ROBO1: variants seen among roughly 807,000 people sequenced by gnomAD.
ROBO1 encodes the protein roundabout homolog 1.
ROBO1 carries 149 observed loss-of-function variants against 195.9 expected under a neutral mutation model. That is an observed-to-expected ratio of 0.76 (90% confidence interval 0.67 to 0.87). The LOEUF (loss-of-function observed/expected upper bound fraction) is 0.87. Ranked by LOEUF, ROBO1 falls within the 40% of genes least tolerant of loss-of-function variation. The pLI is 0.00. For synonymous variants in ROBO1, 816 were observed against 733.2 expected, an observed-to-expected ratio of 1.11 and a Z score of -1.82; for missense variants, 1,933 against 2,068.3, an observed-to-expected ratio of 0.93 and a Z score of 1.27.
intron 3 of ROBO1, among the ~76,000 whole-genome samples, chr3:79,026,761 G>C (rs1349022): frequency 0.98 from 148,491 of 152,126 alleles, 72,543 homozygotes; most frequent in East Asian, 1. Context: ...CCTAAATTGG[G>C]ATCATAGTTA....
intron 2 of ROBO1, among the ~76,000 whole-genome samples, chr3:79,391,317 A>AT (rs2036940389): frequency 6.6e-6 from 1 of 152,040 alleles, no homozygotes; most frequent in Admixed American, 6.6e-5. Context: ...ACAAAACCAT[A>AT]AACGAAAACA....
chr3:78,707,228 G>T (rs1286122640), intron 8 of ROBO1, among the ~76,000 whole-genome samples: 1 of 152,104 alleles, frequency 6.6e-6, no homozygotes, highest in Non-Finnish European at 1.5e-5. Context: ...AGACACTCTA[G>T]GAAGCATCCC....
chr3:79,068,039 T>C (rs1285141039), intron 3 of ROBO1, among the ~76,000 whole-genome samples: 2 of 151,928 alleles, frequency 1.3e-5, no homozygotes, highest in Non-Finnish European at 2.9e-5. Context: ...CATGTGTGAA[T>C]GAGAAAGCAC....
chr3:78,925,099 C>T (rs184560754), intron 4 of ROBO1, among the ~76,000 whole-genome samples: 37 of 152,046 alleles, frequency 2.4e-4, no homozygotes, highest in African/African-American at 8.9e-4. Flanking sequence ...TTGAGGTAAA[C>T]TTTTACACTA....
intron 1 of ROBO1, among the ~76,000 whole-genome samples, chr3:79,644,663 A>T (rs558858824): frequency 7.2e-5 from 11 of 152,300 alleles, no homozygotes; most frequent in Non-Finnish European, 1.6e-4. Flanking sequence ...GGAATTCAAA[A>T]TGAGATTTTG....
At position 78,909,393 on chromosome 3, in the gene ROBO1, G is replaced by A. The variant is rs1214399871; in HGVS notation, c.499+29208C>T. ...AAGTATGTATTTAGTTGGTCAGAAA[G>A]GAATATGTAGCCAATGTGAGTCTTC... On this transcript the variant is annotated intron_variant, in intron 4 of 30. Transcript: ENST00000464233. 9.2e-5 allele frequency among the ~76,000 whole-genome samples: 14 copies of A among 151,886 alleles called. No homozygotes were observed. In the East Asian group the frequency reaches 1.2e-3, roughly 13 times the overall value.
rs528885110 is a variant in ROBO1, at chr3:79,110,979, T to A, written c.172+14477A>T. Among the ~76,000 whole-genome samples the A allele has an allele frequency of 1.7e-3, 261 of 152,162 alleles. 2 individuals carry two copies. Among genetic ancestry groups the A allele is most frequent in the African/African-American group, 5.8e-3 (240 of 41,538 alleles). ...AGACATTGGCAGTGACACTACAGTGTCATAATATATCACTTGTGGCCACCT... is the reference window on the plus strand; with the variant it reads ...AGACATTGGCAGTGACACTACAGTGACATAATATATCACTTGTGGCCACCT... On this transcript the variant is annotated intron_variant, in intron 3 of 30. Transcript: ENST00000464233.
intron 15 of ROBO1, 26 bp from the exon 16 acceptor site, chr3:78,661,287 A>C: frequency 7.8e-7 from 1 of 1,289,886 alleles, no homozygotes; most frequent in African/African-American, 1.5e-5. Flanking sequence ...GTAAAATGTA[A>C]TTATTCATAT....
At chr3:78,957,546 T>C (rs2107809369) in intron 3 of ROBO1, among the ~76,000 whole-genome samples, 1 of 152,228 alleles carries the variant, frequency 6.6e-6, no homozygotes, top group East Asian at 1.9e-4. Context: ...ACGGTTACAA[T>C]GAGTGGGAGC....
chr3:79,431,582 G>T (rs1025685803), intron 2 of ROBO1, among the ~76,000 whole-genome samples: 3 of 151,818 alleles, frequency 2.0e-5, no homozygotes, highest in African/African-American at 7.3e-5. Flanking sequence ...ACAAAAACAT[G>T]GTACAGAAAA....
At chr3:79,671,380 T>C (rs1050686729) in intron 1 of ROBO1, among the ~76,000 whole-genome samples, 1 of 151,886 alleles carries the variant, frequency 6.6e-6, no homozygotes, top group Non-Finnish European at 1.5e-5. Context: ...AGGTACCCTA[T>C]AAGAATATCT....
At chr3:79,634,811 A>G (rs950567976) in intron 1 of ROBO1, among the ~76,000 whole-genome samples, 1 of 152,182 alleles carries the variant, frequency 6.6e-6, no homozygotes, top group African/African-American at 2.4e-5. Flanking sequence ...TTGTGCCTTC[A>G]ATGTTTGTAA....
chr3:78,608,159 G>A (rs56389114), intron 28 of ROBO1, among the ~76,000 whole-genome samples: 2 of 151,910 alleles, frequency 1.3e-5, no homozygotes, highest in Non-Finnish European at 2.9e-5. Context: ...TTGTTGCCTA[G>A]GCTGGAGTGC....
chr3:79,180,762 T>G (rs2081327414), intron 2 of ROBO1, among the ~76,000 whole-genome samples: 1 of 152,112 alleles, frequency 6.6e-6, no homozygotes, highest in African/African-American at 2.4e-5. Context: ...GGGTCATGAC[T>G]GGGTGATGGG....
chr3:78,979,828 C>T (rs1177208892), intron 3 of ROBO1, among the ~76,000 whole-genome samples: 18 of 151,858 alleles, frequency 1.2e-4, no homozygotes, highest in Admixed American at 1.2e-3. Context: ...CACACAAACA[C>T]ACACACACAC....
chr3:78,638,269 G>A (rs748063265), intron 22 of ROBO1, among the ~76,000 whole-genome samples: 10 of 136,668 alleles, frequency 7.3e-5, no homozygotes, highest in African/African-American at 1.7e-4. Flanking sequence ...ATGTATATGT[G>A]TATATATATA....
intron 2 of ROBO1, among the ~76,000 whole-genome samples, chr3:79,398,270 A>G (rs1246875122): frequency 6.6e-6 from 1 of 152,188 alleles, no homozygotes; most frequent in East Asian, 1.9e-4. Flanking sequence ...AGAAATATAT[A>G]CATACTAATA....
chr3:78,658,232 G>A (rs1707162444), intron 17 of ROBO1, among the ~76,000 whole-genome samples: 2 of 152,150 alleles, frequency 1.3e-5, no homozygotes, highest in South Asian at 2.1e-4. Context: ...TATGGTGCAC[G>A]ACAATGTTCA....
intron 3 of ROBO1, among the ~76,000 whole-genome samples, chr3:79,067,222 A>AAAAGTTG (rs1184466462): frequency 2.0e-5 from 3 of 152,120 alleles, no homozygotes; most frequent in Non-Finnish European, 4.4e-5. Context: ...CTTATGTAAA[A>AAAAGTTG]AAAGTTGATT....
Sources: allele counts gnomAD v4.1 joint callset (sites outside exome capture counted in the v4.1 genomes callset), GRCh38; gene constraint gnomAD v4.1.1; transcripts MANE v1.5; gene names NCBI Gene and HGNC (gene_info 2026-07-23, HGNC 2026-07-21).